The following FOXO1 variants were observed in gnomAD, a reference collection of about 807,000 sequenced individuals.
The protein encoded by FOXO1 is forkhead box protein O1.
FOXO1 carries 6 observed loss-of-function variants against 44.1 expected under a neutral mutation model. The observed-to-expected ratio is 0.14, with a 90% CI of 0.07 to 0.27. FOXO1 has a LOEUF of 0.27. Ranked by LOEUF, FOXO1 falls within the 10% of genes least tolerant of loss-of-function variation. The probability of loss-of-function intolerance (pLI) is 1.00; values close to 1 mark genes in which losing one functional copy is unlikely to be tolerated. For synonymous variants in FOXO1, 380 were observed against 362.7 expected (o/e 1.05, Z -0.54); for missense variants, 737 against 888.8 (o/e 0.83, Z 2.17).
chr13:40,559,984 C>A lies in FOXO1; in HGVS notation c.1507G>T (p.Val503Phe). ...GQNVMMGPNS[V>F]MSTYGSQASH... The stretch of plus-strand genomic sequence containing the variant: ...GCCTGGCTGCCATAGGTTGACATGA[C>A]CGAATTAGGGCCCATCATGACGTTC... Residue 503 changes from valine (V) to phenylalanine (F), a missense_variant, in exon 2 of 3, where the codon GTC (valine) becomes TTC (phenylalanine). By Grantham distance (50) the Val-to-Phe change is conservative. Transcript: ENST00000379561. 1 of 1,614,116 alleles carries A rather than the reference C, an allele frequency of 6.2e-7. No homozygotes were observed. The highest frequency in any genetic ancestry group is 8.5e-7 in the Non-Finnish European group (1 of 1,180,030).
chr13:40,642,482 T>C (rs1299717046), intron 1 of FOXO1, among the ~76,000 whole-genome samples: 2 of 152,256 alleles, frequency 1.3e-5, no homozygotes, highest in Non-Finnish European at 2.9e-5. Context: ...TTTACATCTA[T>C]ACATCCAGAC....
Position 40,666,591 on chromosome 13 carries a change from C to T in FOXO1, c.-379G>A. The T allele has an allele frequency of 4.8e-6, 1 of 206,836 alleles. No individual in the cohort carries two copies. Among genetic ancestry groups the T allele is most frequent in the African/African-American group, 2.3e-5 (1 of 43,880 alleles). The allele number at this position is 206,836 out of a possible 1,614,324, so 12.8% of individuals were successfully genotyped here. A position where few individuals can be genotyped will look rare whatever the true frequency, so the allele number is the denominator to read the frequency against. ...CTGCGCTGCTGCCTGTTGAATGTGG[C>T]GGCTGCGGCAGCGGCTGCTGCGACT... On this transcript the variant is annotated 5_prime_UTR_variant, in exon 1 of 3. Transcript: ENST00000379561.
chr13:40,588,123 G>A (rs1009638133), intron 1 of FOXO1, among the ~76,000 whole-genome samples: 2 of 152,170 alleles, frequency 1.3e-5, no homozygotes, highest in African/African-American at 4.8e-5. Context: ...GTTCAGGCAA[G>A]CAGAATCCTA....
intron 1 of FOXO1, among the ~76,000 whole-genome samples, chr13:40,651,085 T>TC (rs1566085344): frequency 1.9e-5 from 2 of 103,284 alleles, no homozygotes; most frequent in East Asian, 5.0e-4. Flanking sequence ...GTTTTTTTGG[T>TC]TTTTTGTTTT....
At chr13:40,619,354 GA>G (rs1362507068) in intron 1 of FOXO1, 19 of 600,134 alleles carry the variant, frequency 3.2e-5, no homozygotes, top group Non-Finnish European at 4.8e-5. Context: ...AGTCCCCAGA[GA>G]AAGTTCAAAT....
At chr13:40,665,098 G>C (rs1878180191) in intron 1 of FOXO1, among the ~76,000 whole-genome samples, 1 of 151,550 alleles carries the variant, frequency 6.6e-6, no homozygotes, top group Non-Finnish European at 1.5e-5. Context: ...CCTGCAGCCC[G>C]GTCCCGGGGC....
At chr13:40,648,034 C>T (rs1877564904) in intron 1 of FOXO1, among the ~76,000 whole-genome samples, 1 of 152,156 alleles carries the variant, frequency 6.6e-6, no homozygotes, top group Non-Finnish European at 1.5e-5. Flanking sequence ...AAGTTTCAAT[C>T]ATCTGACTCT....
In FOXO1 at chr13:40,606,716, T is replaced by C. The variant is rs189083824; in HGVS notation, c.631-45856A>G. 4.7e-3 allele frequency among the ~76,000 whole-genome samples: 723 copies of C among 152,222 alleles called. 3 individuals are homozygous for C. The highest frequency in any genetic ancestry group is 0.017 in the South Asian group (80 of 4,822). ...CGACTGAGGAGGGCTGTAAGAGTGA[T>C]TGTCCATACTAGACACTACTTGCCA... On this transcript the variant is annotated intron_variant, in intron 1 of 2. Coordinates refer to ENST00000379561, the MANE Select transcript of FOXO1 (RefSeq NM_002015.4).
chr13:40,558,861 C>A lies in FOXO1; in HGVS notation c.*188G>T. 2.5e-6 allele frequency: 1 copy of A among 398,718 alleles called. No homozygotes were observed. Among genetic ancestry groups the A allele is most frequent in the Non-Finnish European group, 4.4e-6 (1 of 226,004 alleles). 24.7% of individuals were successfully genotyped at this position (398,718 alleles called of 1,614,324 possible). A position where few individuals can be genotyped will look rare whatever the true frequency, so the allele number is the denominator to read the frequency against. On this transcript the variant is annotated 3_prime_UTR_variant, in exon 3 of 3. Coordinates refer to ENST00000379561, the MANE Select transcript of FOXO1 (RefSeq NM_002015.4). ...TAACCTGCACACATTGGGCAAACAT[C>A]CTGTACAGGAAAAATGTCTTTGCTG...
At chr13:40,600,117 G>C (rs1001000611) in intron 1 of FOXO1, among the ~76,000 whole-genome samples, 2 of 152,272 alleles carry the variant, frequency 1.3e-5, no homozygotes, top group Non-Finnish European at 2.9e-5. Context: ...AAAAAATTAT[G>C]GTAAGTGCTA....
chr13:40,587,641 T>G (rs1011925677), intron 1 of FOXO1, among the ~76,000 whole-genome samples: 1 of 152,162 alleles, frequency 6.6e-6, no homozygotes, highest in Non-Finnish European at 1.5e-5. Context: ...ACGGCTCAAG[T>G]GCTTGGAGAA....
chr13:40,656,893 C>G (rs142738531), intron 1 of FOXO1, among the ~76,000 whole-genome samples: 1 of 150,970 alleles, frequency 6.6e-6, no homozygotes, highest in South Asian at 2.1e-4. Flanking sequence ...TGCAGTGGCA[C>G]GATCCAGGCT....
chr13:40,655,432 A>T (rs1877824516), intron 1 of FOXO1, among the ~76,000 whole-genome samples: 1 of 151,730 alleles, frequency 6.6e-6, no homozygotes, highest in African/African-American at 2.4e-5. Flanking sequence ...TGACATCATT[A>T]ACAATCATGC....
intron 1 of FOXO1, among the ~76,000 whole-genome samples, chr13:40,613,420 T>TAA (rs11370060): frequency 1.0e-4 from 15 of 147,212 alleles, no homozygotes; most frequent in Non-Finnish European, 1.5e-4. Context: ...GTTTGGTGTT[T>TAA]AAAAAAAAAA....
chr13:40,640,304 C>A (rs1877305022), intron 1 of FOXO1, among the ~76,000 whole-genome samples: 1 of 152,180 alleles, frequency 6.6e-6, no homozygotes, highest in African/African-American at 2.4e-5. Flanking sequence ...GGACGATGAA[C>A]ATTATTTGGA....
At chr13:40,632,812 G>A (rs1281841374) in intron 1 of FOXO1, among the ~76,000 whole-genome samples, 11 of 151,544 alleles carry the variant, frequency 7.3e-5, no homozygotes, top group Non-Finnish European at 2.9e-5. Flanking sequence ...GGGCATAGTG[G>A]TGCATGCCTG....
chr13:40,571,488 T>C (rs1290790921), intron 1 of FOXO1, among the ~76,000 whole-genome samples: 2 of 152,148 alleles, frequency 1.3e-5, no homozygotes, highest in Non-Finnish European at 2.9e-5. Context: ...GGGGACCCTT[T>C]AACCCACTCA....
chr13:40,661,200 G>A (rs976894633), intron 1 of FOXO1, among the ~76,000 whole-genome samples: 1 of 152,028 alleles, frequency 6.6e-6, no homozygotes. Flanking sequence ...ACATTTAGCT[G>A]CATAACCCCC....
At chr13:40,615,095 C>G (rs1173371427) in intron 1 of FOXO1, among the ~76,000 whole-genome samples, 2 of 152,324 alleles carry the variant, frequency 1.3e-5, no homozygotes, top group East Asian at 3.9e-4. Flanking sequence ...ATTCATGCAG[C>G]AAACAACCGC....
Sources: gnomAD v4.1 joint callset for allele counts (sites outside exome capture counted in the v4.1 genomes callset) on GRCh38, gnomAD v4.1.1 for gene constraint, MANE v1.5 for transcripts, NCBI Gene and HGNC (gene_info 2026-07-23, HGNC 2026-07-21) for gene names.